The following GRM8 variants were observed in gnomAD, a reference collection of about 807,000 sequenced individuals.
GRM8 encodes glutamate metabotropic receptor 8.
Under a neutral mutation model 87.2 loss-of-function variants are expected in GRM8, and 47 were observed. The observed-to-expected ratio is 0.54, with a 90% CI of 0.43 to 0.69. GRM8 has a LOEUF of 0.69. GRM8 is among the 30% of genes least tolerant of loss of function. The probability of loss-of-function intolerance (pLI) is 0.00; values close to 1 mark genes in which losing one functional copy is unlikely to be tolerated. For synonymous variants in GRM8, 396 were observed against 404.5 expected, an observed-to-expected ratio of 0.98 and a Z score of 0.25; for missense variants, 1,019 against 1,139.2, an observed-to-expected ratio of 0.89 and a Z score of 1.52.
At chr7:126,551,380 G>A (rs1435472401) in intron 8 of GRM8, among the ~76,000 whole-genome samples, 1 of 152,076 alleles carries the variant, frequency 6.6e-6, no homozygotes, top group African/African-American at 2.4e-5. Flanking sequence ...CACTATTCTT[G>A]TTGATAGTTC....
chr7:126,788,065 G>C (rs1820813629), intron 6 of GRM8, among the ~76,000 whole-genome samples: 1 of 151,856 alleles, frequency 6.6e-6, no homozygotes, highest in Non-Finnish European at 1.5e-5. Context: ...GTGAATCTTT[G>C]ATGAAATCCA....
chr7:127,209,255 C>A (rs151238881), intron 2 of GRM8, among the ~76,000 whole-genome samples: 7 of 152,324 alleles, frequency 4.6e-5, no homozygotes, highest in Non-Finnish European at 4.4e-5. Flanking sequence ...CAGGGATACA[C>A]AGCAGTGGCT....
intron 6 of GRM8, among the ~76,000 whole-genome samples, chr7:126,861,681 C>T (rs1364850270): frequency 6.6e-6 from 1 of 151,390 alleles, no homozygotes. Flanking sequence ...TATTTATTGG[C>T]CATTTTCTTA....
intron 6 of GRM8, among the ~76,000 whole-genome samples, chr7:126,833,348 C>T (rs1480486202): frequency 2.0e-5 from 3 of 152,208 alleles, no homozygotes; most frequent in Non-Finnish European, 4.4e-5. Context: ...TATTCCCACC[C>T]TCAAGAATAA....
At chr7:126,945,080 G>A (rs1271057955) in intron 3 of GRM8, among the ~76,000 whole-genome samples, 2 of 152,148 alleles carry the variant, frequency 1.3e-5, no homozygotes, top group Non-Finnish European at 2.9e-5. Flanking sequence ...TGAAGATGCA[G>A]AGGCCATAGA....
intron 2 of GRM8, among the ~76,000 whole-genome samples, chr7:127,164,403 C>A (rs969370437): frequency 6.6e-6 from 1 of 152,018 alleles, no homozygotes; most frequent in Admixed American, 6.6e-5. Flanking sequence ...TGGAGTTAGC[C>A]CTAAAAGTAA....
chr7:126,949,470 T>C (rs773598039), intron 3 of GRM8, among the ~76,000 whole-genome samples: 2 of 152,202 alleles, frequency 1.3e-5, no homozygotes, highest in Non-Finnish European at 2.9e-5. Context: ...AGACCCTCTT[T>C]TAAAAGGTGC....
At chr7:126,877,331 C>T (rs992801977) in intron 6 of GRM8, among the ~76,000 whole-genome samples, 1 of 152,196 alleles carries the variant, frequency 6.6e-6, no homozygotes, top group Non-Finnish European at 1.5e-5. Flanking sequence ...ACACTAAACA[C>T]CTCTCCATGT....
At chr7:126,451,884 T>C (rs748316479) in intron 9 of GRM8, among the ~76,000 whole-genome samples, 1 of 151,756 alleles carries the variant, frequency 6.6e-6, no homozygotes, top group Non-Finnish European at 1.5e-5. Flanking sequence ...CCAGTATTCC[T>C]AGCTTTATCA....
chr7:126,551,189 C>T (rs1792545244), intron 8 of GRM8, among the ~76,000 whole-genome samples: 1 of 151,864 alleles, frequency 6.6e-6, no homozygotes, highest in African/African-American at 2.4e-5. Context: ...GTTTTATGTC[C>T]CCTGTACCAT....
Position 126,462,493 on chromosome 7 carries a change from A to ATGTAATATTATATG in GRM8, c.2431-16135_2431-16122dup, listed in dbSNP as rs1397989387. ...TGGATGGCATAAAGACAATTATCACATGTAATATTATATGTATAAAATTAT... is the reference window on the plus strand; with the variant it reads ...TGGATGGCATAAAGACAATTATCACATGTAATATTATATGTGTAATATTATATGTATAAAATTAT... On this transcript the variant is annotated intron_variant, in intron 9 of 10. Transcript: ENST00000339582. Among the ~76,000 whole-genome samples the ATGTAATATTATATG allele has an allele frequency of 1.2e-4, 18 of 151,746 alleles. No individual in the cohort carries two copies. The South Asian group carries it at 2.9e-3, about 24-fold the overall frequency.
chr7:126,878,277 C>T (rs1471516732), intron 6 of GRM8, among the ~76,000 whole-genome samples: 1 of 152,128 alleles, frequency 6.6e-6, no homozygotes, highest in Non-Finnish European at 1.5e-5. Context: ...TATGATTTCC[C>T]CAACATCTCT....
intron 7 of GRM8, among the ~76,000 whole-genome samples, chr7:126,733,952 T>A (rs10275020): frequency 8.7e-4 from 132 of 151,878 alleles, no homozygotes; most frequent in African/African-American, 3.1e-3. Context: ...GAAATTCCAC[T>A]GGAAGCAGTT....
intron 9 of GRM8, chr7:126,512,863 CT>C (rs1347876781): frequency 6.6e-6 from 1 of 152,066 alleles, no homozygotes; most frequent in Non-Finnish European, 1.5e-5. Flanking sequence ...GGTGCTGTTA[CT>C]GGGGCCATCT....
At chr7:126,816,752 G>GTGTGTC (rs1554501004) in intron 6 of GRM8, among the ~76,000 whole-genome samples, 1 of 151,650 alleles carries the variant, frequency 6.6e-6, no homozygotes, top group African/African-American at 2.4e-5. Flanking sequence ...GTGTGTGTGT[G>GTGTGTC]TGTGTGTGTG....
rs574486605 is a variant in GRM8, at chr7:126,444,996, A to G, written c.2677+1130T>C. 2.8e-3 allele frequency among the ~76,000 whole-genome samples: 431 copies of G among 151,758 alleles called. 3 individuals carry two copies. The highest frequency in any genetic ancestry group is 9.9e-3 in the African/African-American group (411 of 41,372). ...CCCTGTCTCTACAAAACAAACAAAC[A>G]AACAAACAAACAAACAAAATTAGCT... On this transcript the variant is annotated intron_variant, in intron 10 of 10. Transcript: ENST00000339582.
intron 8 of GRM8, among the ~76,000 whole-genome samples, chr7:126,555,302 G>T (rs1793019988): frequency 6.6e-6 from 1 of 152,198 alleles, no homozygotes; most frequent in East Asian, 1.9e-4. Context: ...CGTAAATGAT[G>T]AAAGGAGATT....
At position 126,769,620 on chromosome 7, in the gene GRM8, A is replaced by G. The variant is rs75465649; in HGVS notation, c.1357+245T>C. Among the ~76,000 whole-genome samples the G allele has an allele frequency of 4.9e-3, 730 of 149,488 alleles. 6 individuals carry two copies. The highest frequency in any genetic ancestry group is 0.017 in the African/African-American group (700 of 41,272). On this transcript the variant is annotated intron_variant, in intron 7 of 10. Coordinates refer to ENST00000339582, the MANE Select transcript of GRM8 (RefSeq NM_000845.3). ...GTGATCTCTTCAATAGTGATATTTA[A>G]GTAAAACATTTTGATTGACAGAGGC...
chr7:127,161,308 G>C (rs932330711), intron 2 of GRM8, among the ~76,000 whole-genome samples: 4 of 152,120 alleles, frequency 2.6e-5, no homozygotes, highest in Admixed American at 6.5e-5. Flanking sequence ...GAAAAAACAA[G>C]ATGCACAAAA....
Sources: gnomAD v4.1 joint callset for allele counts (sites outside exome capture counted in the v4.1 genomes callset) on GRCh38, gnomAD v4.1.1 for gene constraint, MANE v1.5 for transcripts, NCBI Gene and HGNC (gene_info 2026-07-23, HGNC 2026-07-21) for gene names.